The following OR2L13 variants were observed in gnomAD, a reference collection of about 807,000 sequenced individuals.
OR2L13 encodes the protein olfactory receptor family 2 subfamily L member 13.
Under a neutral mutation model 15.3 loss-of-function variants are expected in OR2L13, and 14 were observed. The observed-to-expected ratio is 0.91, with a 90% CI of 0.60 to 1.43. The LOEUF (loss-of-function observed/expected upper bound fraction) is 1.43. Among genes scored for constraint, OR2L13 ranks in the 40% most tolerant of loss-of-function variants. The pLI is 0.00. For missense variants in OR2L13, 367 were observed against 387.9 expected, an observed-to-expected ratio of 0.95 and a Z score of 0.45; for synonymous variants, 152 against 142.9, an observed-to-expected ratio of 1.06 and a Z score of -0.45.
chr1:248,013,780 G>C, the OR2L13 span: 1 of 152,106 alleles, frequency 6.6e-6, no homozygotes, highest in East Asian at 1.9e-4. Flanking sequence ...ATTGATCATA[G>C]GGAAGAAGAG....
the OR2L13 span, among the ~76,000 whole-genome samples, chr1:248,016,404 T>A: frequency 6.6e-6 from 1 of 152,302 alleles, no homozygotes; most frequent in Admixed American, 6.5e-5. Context: ...AGAAATCTTC[T>A]TTCTTTGAAA....
At chr1:247,955,820 A>T in the OR2L13 span, among the ~76,000 whole-genome samples, 2 of 151,938 alleles carry the variant, frequency 1.3e-5, no homozygotes, top group Non-Finnish European at 2.9e-5. Context: ...GTTTGAGTTC[A>T]TTGTAGATTC....
At chr1:248,056,778 G>C in the OR2L13 span, among the ~76,000 whole-genome samples, 1 of 150,080 alleles carries the variant, frequency 6.7e-6, no homozygotes, top group African/African-American at 2.4e-5. Flanking sequence ...CTCTTGAGTA[G>C]CTGGGACTGC....
the OR2L13 span, among the ~76,000 whole-genome samples, chr1:247,971,582 G>A: frequency 6.6e-6 from 1 of 152,106 alleles, no homozygotes; most frequent in Non-Finnish European, 1.5e-5. Flanking sequence ...AGTAAAGTGA[G>A]TATAACTTCT....
the OR2L13 span, among the ~76,000 whole-genome samples, chr1:247,983,941 G>A: frequency 6.6e-6 from 1 of 152,126 alleles, no homozygotes; most frequent in African/African-American, 2.4e-5. Flanking sequence ...TGACATGCAG[G>A]GAGTGAGGAG....
At chr1:248,054,454 A>T in the OR2L13 span, among the ~76,000 whole-genome samples, 1 of 152,168 alleles carries the variant, frequency 6.6e-6, no homozygotes, top group East Asian at 1.9e-4. Flanking sequence ...ATTTTAAAAT[A>T]GTTCTTTTTT....
At chr1:248,064,342 C>G in the OR2L13 span, among the ~76,000 whole-genome samples, 1 of 152,046 alleles carries the variant, frequency 6.6e-6, no homozygotes, top group Non-Finnish European at 1.5e-5. Flanking sequence ...TCTAGGGTGT[C>G]GTAGAAGCCA....
chr1:248,064,959 A>C, the OR2L13 span, among the ~76,000 whole-genome samples: 1 of 152,354 alleles, frequency 6.6e-6, no homozygotes, highest in African/African-American at 2.4e-5. Flanking sequence ...CCACTGACAT[A>C]GTATCTGTAC....
chr1:248,065,495 A>G, the OR2L13 span, among the ~76,000 whole-genome samples: 1 of 151,758 alleles, frequency 6.6e-6, no homozygotes, highest in South Asian at 2.1e-4. Context: ...CAGGTTAGTT[A>G]CATATGTATA....
the OR2L13 span, among the ~76,000 whole-genome samples, chr1:248,026,720 C>G: frequency 6.6e-6 from 1 of 152,190 alleles, no homozygotes; most frequent in South Asian, 2.1e-4. Context: ...CCTGTCTTTA[C>G]TGTAATCTCT....
the OR2L13 span, among the ~76,000 whole-genome samples, chr1:248,007,702 A>G: frequency 1.3e-5 from 2 of 152,210 alleles, no homozygotes; most frequent in African/African-American, 2.4e-5. Flanking sequence ...TTTGCACTTC[A>G]CAGTCGTTCT....
At chr1:247,970,857 T>C in the OR2L13 span, among the ~76,000 whole-genome samples, 4 of 152,284 alleles carry the variant, frequency 2.6e-5, no homozygotes, top group African/African-American at 9.6e-5. Context: ...CACTGAGGAA[T>C]CTTTATGGCT....
chr1:248,096,249 G>C (rs988246759), upstream of OR2L13, among the ~76,000 whole-genome samples: 1 of 151,972 alleles, frequency 6.6e-6, no homozygotes, highest in African/African-American at 2.4e-5. Flanking sequence ...CGGGCGTGGT[G>C]GTGGGCGCCT....
the OR2L13 span, among the ~76,000 whole-genome samples, chr1:248,012,216 C>T: frequency 1.3e-5 from 2 of 152,070 alleles, no homozygotes; most frequent in Admixed American, 6.6e-5. Context: ...TCAGGGTTCC[C>T]TTCTTCTCTG....
At chr1:248,083,324 T>C in the OR2L13 span, among the ~76,000 whole-genome samples, 1 of 152,290 alleles carries the variant, frequency 6.6e-6, no homozygotes. Context: ...TATGTGAAAT[T>C]GGAAACAATA....
chr1:248,003,166 C>T, the OR2L13 span: 1 of 1,425,456 alleles, frequency 7.0e-7, no homozygotes. Flanking sequence ...CTGATTTCAT[C>T]TTACTGGGGC....
At chr1:247,949,161 T>G in the OR2L13 span, 1 of 1,614,136 alleles carries the variant, frequency 6.2e-7, no homozygotes, top group Non-Finnish European at 8.5e-7. Context: ...TCAGAGTTTC[T>G]TCTTCTTGGC....
At chr1:248,085,347 C>T in the OR2L13 span, among the ~76,000 whole-genome samples, 25 of 148,202 alleles carry the variant, frequency 1.7e-4, no homozygotes, top group African/African-American at 6.0e-4. Context: ...CCCTGGTATA[C>T]TTATGTAACA....
chr1:247,991,891 T>C, the OR2L13 span, among the ~76,000 whole-genome samples: 1 of 149,628 alleles, frequency 6.7e-6, no homozygotes, highest in African/African-American at 2.5e-5. Flanking sequence ...AGCCCATTCC[T>C]GAGAAACTCT....
Sources: allele counts gnomAD v4.1 joint callset (sites outside exome capture counted in the v4.1 genomes callset), GRCh38; gene constraint gnomAD v4.1.1; transcripts MANE v1.5; gene names NCBI Gene and HGNC (gene_info 2026-07-23, HGNC 2026-07-21).